OVCH2: variants seen among roughly 807,000 people sequenced by gnomAD.
OVCH2 encodes the protein ovochymase-2.
Under a neutral mutation model 73.7 loss-of-function variants are expected in OVCH2, and 88 were observed. That is an observed-to-expected ratio of 1.19 (90% confidence interval 1.01 to 1.43). OVCH2 has a LOEUF of 1.43. Ranked by LOEUF, OVCH2 falls within the 40% of genes most tolerant of loss-of-function variation. The probability of loss-of-function intolerance (pLI) is 0.00; values close to 1 mark genes in which losing one functional copy is unlikely to be tolerated. For synonymous variants in OVCH2, 265 were observed against 234.5 expected (o/e 1.13, Z -1.19); for missense variants, 706 against 674.5 (o/e 1.05, Z -0.52).
chr11:7,706,199 T>C (rs1856526982), intron 1 of OVCH2, 108 bp downstream of exon 1: 1 of 1,145,448 alleles, frequency 8.7e-7, no homozygotes, highest in Non-Finnish European at 1.2e-6. Context: ...ATCCAAAATA[T>C]ATTTGCTTCT....
rs139259797 is a variant in OVCH2, at chr11:7,699,877, T to TA, written c.901+418dup. ...TGTGACAATTAAAAATGTCTTCTGA[T>TA]ACTGTCCCTGGGGACAAAATTGCCC... On this transcript the variant is annotated intron_variant, in intron 7 of 15. Coordinates refer to ENST00000533663, the MANE Select transcript of OVCH2 (RefSeq NM_198185.7). 1,415 of 158,194 alleles carry TA rather than the reference T, an allele frequency of 8.9e-3. 15 individuals carry two copies. Among genetic ancestry groups the TA allele is most frequent in the South Asian group, 0.027 (141 of 5,156 alleles). The allele number at this position is 158,194 out of a possible 1,614,324, so 9.8% of individuals were successfully genotyped here.
intron 11 of OVCH2, 68 bp from the exon 12 acceptor site, chr11:7,695,256 C>A: frequency 6.9e-7 from 1 of 1,453,412 alleles, no homozygotes. Flanking sequence ...ACTGCTCTCC[C>A]TCCTGTCTCC....
intron 13 of OVCH2, 37 bp from the exon 14 acceptor site, chr11:7,691,437 C>T (rs535987837): frequency 1.3e-5 from 21 of 1,581,300 alleles, no homozygotes; most frequent in Middle Eastern, 1.9e-4. Flanking sequence ...CATTGTCAAG[C>T]ACCCAGCAGA....
chr11:7,679,245 A>T, the OVCH2 span, among the ~76,000 whole-genome samples: 1 of 152,216 alleles, frequency 6.6e-6, no homozygotes, highest in Non-Finnish European at 1.5e-5. Flanking sequence ...AACAACTAAA[A>T]TCCTTGGAAT....
intron 12 of OVCH2, among the ~76,000 whole-genome samples, chr11:7,692,793 C>T (rs2136151881): frequency 6.6e-6 from 1 of 152,284 alleles, no homozygotes; most frequent in Non-Finnish European, 1.5e-5. Flanking sequence ...AGTTGATCAC[C>T]TGGAATCAAC....
chr11:7,680,009 G>A, the OVCH2 span, among the ~76,000 whole-genome samples: 3 of 151,944 alleles, frequency 2.0e-5, no homozygotes, highest in Non-Finnish European at 4.4e-5. Flanking sequence ...CCATCTGGCT[G>A]TTCGACTGTG....
chr11:7,686,429 C>A (rs1334668971), downstream of OVCH2, among the ~76,000 whole-genome samples: 1 of 152,100 alleles, frequency 6.6e-6, no homozygotes, highest in African/African-American at 2.4e-5. Flanking sequence ...GTAGAGTACC[C>A]ATAACAGTAA....
At chr11:7,701,562 G>A in intron 5 of OVCH2, 87 bp from the exon 6 acceptor site, 2 of 1,518,518 alleles carry the variant, frequency 1.3e-6, no homozygotes, top group Non-Finnish European at 1.8e-6. Context: ...GTGTCGCTTG[G>A]CAAGACTTGA....
intron 8 of OVCH2, among the ~76,000 whole-genome samples, chr11:7,697,565 T>C (rs1052080165): frequency 6.6e-6 from 1 of 152,224 alleles, no homozygotes; most frequent in Non-Finnish European, 1.5e-5. Context: ...ATAGAATTCC[T>C]TGGGTCAGCA....
intron 6 of OVCH2, 66 bp from the exon 7 acceptor site, chr11:7,700,551 T>C (rs1856418268): frequency 4.7e-6 from 7 of 1,499,434 alleles, no homozygotes; most frequent in African/African-American, 1.4e-5. Context: ...GCTCACTGTT[T>C]CCTCACAAGG....
In OVCH2 at chr11:7,706,429, G is replaced by A. The variant is rs1212191361; in HGVS notation, c.-35C>T. 1 of 1,544,736 alleles carries A rather than the reference G, an allele frequency of 6.5e-7. No individual in the cohort carries two copies. The highest frequency in any genetic ancestry group is 8.7e-7 in the Non-Finnish European group (1 of 1,145,346). ...CATAGTTTTTCCCTGAAATTTTAGA[G>A]AGACTAAAGCAAACAAAAATAGGAA... On this transcript the variant is annotated 5_prime_UTR_variant, in exon 1 of 16. Coordinates refer to ENST00000533663, the MANE Select transcript of OVCH2 (RefSeq NM_198185.7).
In OVCH2 at chr11:7,695,556, G is replaced by A. The variant is rs755109602; in HGVS notation, c.1282+14C>T. 105 of 1,606,468 alleles carry A rather than the reference G, an allele frequency of 6.5e-5. No individual in the cohort carries two copies. The Admixed American group carries it at 8.0e-4, about 12-fold the overall frequency. On this transcript the variant is annotated intron_variant, in intron 11 of 15. Transcript: ENST00000533663. ...AGGTGGAGATAGTATGTGATTAAAA[G>A]TAAATGGTTTTACCAGGAATGTAGT...
chr11:7,704,510 C>A (rs987304013), intron 2 of OVCH2, 55 bp downstream of exon 2: 10 of 1,239,788 alleles, frequency 8.1e-6, no homozygotes, highest in African/African-American at 1.5e-5. Flanking sequence ...TTAAAAATAT[C>A]TATATCCATA....
At chr11:7,684,162 C>A in the OVCH2 span, among the ~76,000 whole-genome samples, 1 of 151,988 alleles carries the variant, frequency 6.6e-6, no homozygotes. Flanking sequence ...GATGAGATGT[C>A]CTTGAGGATA....
chr11:7,693,042 G>T (rs1032368116), intron 12 of OVCH2, among the ~76,000 whole-genome samples: 4 of 152,182 alleles, frequency 2.6e-5, no homozygotes, highest in African/African-American at 7.2e-5. Context: ...TAGATAGAAG[G>T]AACAGTGTGA....
chr11:7,692,044 C>T (rs1856233232), intron 12 of OVCH2, 49 bp from the exon 13 acceptor site: 1 of 1,353,738 alleles, frequency 7.4e-7, no homozygotes, highest in Non-Finnish European at 1.0e-6. Context: ...GAATGAATTA[C>T]CTGACTTTGA....
intron 3 of OVCH2, among the ~76,000 whole-genome samples, chr11:7,703,138 A>C (rs1030566243): frequency 1.3e-5 from 2 of 152,214 alleles, no homozygotes; most frequent in Non-Finnish European, 2.9e-5. Context: ...ACTTGAAATG[A>C]AAGAATGACT....
chr11:7,706,381 C>T lies in OVCH2; in HGVS notation c.14G>A (p.Arg5Lys), dbSNP rs895158994. Residue 5 changes from arginine (R) to lysine (K), a missense_variant, in exon 1 of 16, where the codon AGG becomes AAG. Transcript: ENST00000533663. The stretch of plus-strand genomic sequence containing the variant: ...TCCTAGTAGTAAAATCAGCTTGTTC[C>T]TGCTTATAAGCATTTTGAGACTCAT... MLIS[R>K]NKLILLLGIV... 3 of 1,576,452 alleles carry T rather than the reference C, an allele frequency of 1.9e-6. No individual in the cohort carries two copies. The highest frequency in any genetic ancestry group is 1.2e-5 in the South Asian group (1 of 85,808).
At chr11:7,689,864 T>C in intron 15 of OVCH2, 60 bp downstream of exon 15, 1 of 1,043,246 alleles carries the variant, frequency 9.6e-7, no homozygotes, top group Non-Finnish European at 1.4e-6. Flanking sequence ...ATCACCTGCT[T>C]CTCCGGTTGA....
Sources: allele counts gnomAD v4.1 joint callset (sites outside exome capture counted in the v4.1 genomes callset), GRCh38; gene constraint gnomAD v4.1.1; transcripts MANE v1.5; gene names NCBI Gene and HGNC (gene_info 2026-07-23, HGNC 2026-07-21).